The following APEH variants were observed in gnomAD, a reference collection of about 807,000 sequenced individuals.
APEH encodes acylaminoacyl-peptide hydrolase.
In APEH, 75 loss-of-function variants were observed where a neutral mutation model predicts 102.7. That is an observed-to-expected ratio of 0.73 (90% CI 0.61 to 0.89). The LOEUF is 0.89. APEH is among the 40% of genes least tolerant of loss of function. The pLI, the probability that APEH is intolerant of heterozygous loss-of-function variation, is 0.00. For missense variants in APEH, 863 were observed against 941.2 expected, an observed-to-expected ratio of 0.92 and a Z score of 1.09; for synonymous variants, 344 against 362.7, an observed-to-expected ratio of 0.95 and a Z score of 0.59.
intron 10 of APEH, 106 bp downstream of exon 10, chr3:49,677,130 C>T: frequency 4.0e-6 from 6 of 1,499,626 alleles, no homozygotes; most frequent in African/African-American, 2.7e-5. Context: ...CAGTAGGTGC[C>T]CTTCTGTCCT....
At chr3:49,675,379 C>T (rs1487334161) in intron 3 of APEH, 70 bp downstream of exon 3, 19 of 1,583,406 alleles carry the variant, frequency 1.2e-5, no homozygotes, top group Middle Eastern at 1.7e-4. Context: ...TATGAATGCT[C>T]ACCATGTGCC....
intron 10 of APEH, 140 bp downstream of exon 10, chr3:49,677,164 T>A: frequency 1.6e-6 from 2 of 1,283,490 alleles, no homozygotes; most frequent in Non-Finnish European, 2.2e-6. Context: ...GTGTGAGTTC[T>A]GCCTGTCCTC....
rs1443892811 is a variant in APEH, at chr3:49,681,200, G to A, written c.1399G>A (p.Val467Met). 3.1e-6 allele frequency: 5 copies of A among 1,608,542 alleles called. No individual in the cohort carries two copies. The highest frequency in any genetic ancestry group is 4.2e-6 in the Non-Finnish European group (5 of 1,176,926). Residue 467 changes from valine to methionine, a missense_variant, in exon 15 of 22, where the codon GTG (valine) becomes ATG (methionine). By Grantham distance (21) the Val-to-Met change is conservative (BLOSUM62 1). Transcript: ENST00000296456. ...TCCCGACATCCACTGGGGCATCCGG[G>A]TGCTACAGCCACCCCCAGAGCAAGA... The part of the protein sequence containing the change: ...PIPDIHWGIR[V>M]LQPPPEQENV...
intron 13 of APEH, chr3:49,680,294 C>T (rs1233032885): frequency 1.2e-5 from 6 of 483,114 alleles, no homozygotes; most frequent in Non-Finnish European, 1.9e-5. Context: ...GGCAGATGTG[C>T]CTGCATGGTC....
At position 49,676,077 on chromosome 3, in the gene APEH, G is replaced by A. The variant is rs1285799568; in HGVS notation, c.464G>A (p.Trp155Ter). Residue 155 changes from tryptophan (W) to a stop codon, truncating the protein, a stop_gained, in exon 6 of 22, where the codon TGG (tryptophan) becomes TAG (stop). Transcript: ENST00000296456. LOFTEE classifies it high-confidence loss of function. ...CCAGACTGCTTTGGCTGCCTGTCCT[G>A]GTCGCACTCGGAGACACACTTGTTG... ...YEDDCFGCLS[W>*]SHSETHLLYV... 6.2e-7 allele frequency: 1 copy of A among 1,614,090 alleles called. No homozygotes were observed. The highest frequency in any genetic ancestry group is 8.5e-7 in the Non-Finnish European group (1 of 1,180,026).
chr3:49,681,252 A>AG lies in APEH; in HGVS notation c.1438+17dup. ...AATGTGCAGTATGGTGAGCTGGGCC[A>AG]GGGGCAGAGGGATGCCTTCTCCAGG... On this transcript the variant is annotated intron_variant, in intron 15 of 21. Coordinates refer to ENST00000296456, the MANE Select transcript of APEH (RefSeq NM_001640.4). The AG allele has an allele frequency of 6.5e-7, 1 of 1,535,478 alleles. No homozygotes were observed. Among genetic ancestry groups the AG allele is most frequent in the Non-Finnish European group, 8.8e-7 (1 of 1,138,512 alleles).
intron 3 of APEH, 48 bp downstream of exon 3, chr3:49,675,357 A>G (rs2052981589): frequency 1.2e-6 from 2 of 1,606,136 alleles, no homozygotes; most frequent in Non-Finnish European, 8.5e-7. Flanking sequence ...GCCGTCCGCA[A>G]TGCAAGCCTT....
intron 2 of APEH, 135 bp from the exon 3 acceptor site, chr3:49,675,048 C>A: frequency 8.0e-7 from 1 of 1,256,094 alleles, no homozygotes; most frequent in Non-Finnish European, 1.1e-6. Flanking sequence ...CAGCCTGCAG[C>A]CAGGGTGTCA....
Position 49,680,624 on chromosome 3 carries a change from A to C in APEH, c.1294A>C (p.Thr432Pro). ...AQFSTPSLPP[T>P]LKVGFLPSAG... The stretch of plus-strand genomic sequence containing the variant: ...GTTTTCCACACCCAGCCTACCTCCA[A>C]CCCTGGTGAGTGTCGGTGGGTCCCA... Residue 432 changes from threonine to proline, a missense_variant, in exon 14 of 22, where the codon ACC becomes CCC. By Grantham distance (38) the Thr-to-Pro change is conservative (BLOSUM62 -1). Transcript: ENST00000296456. 1 of 1,613,822 alleles carries C rather than the reference A, an allele frequency of 6.2e-7. No individual in the cohort carries two copies. Among genetic ancestry groups the C allele is most frequent in the Non-Finnish European group, 8.5e-7 (1 of 1,179,898 alleles).
intron 13 of APEH, 82 bp from the exon 14 acceptor site, chr3:49,680,459 C>T: frequency 7.7e-7 from 1 of 1,296,968 alleles, no homozygotes; most frequent in African/African-American, 1.5e-5. Context: ...ATAGAGTCTC[C>T]AGCCTGGGAC....
At chr3:49,674,452 C>G (rs918792511) in intron 1 of APEH, 37 bp from the exon 2 acceptor site, 7 of 1,570,742 alleles carry the variant, frequency 4.5e-6, no homozygotes, top group Non-Finnish European at 6.0e-6. Flanking sequence ...TCCCTGCAGC[C>G]CGGGCCGGGC....
chr3:49,680,847 T>C (rs969207371), intron 14 of APEH, among the ~76,000 whole-genome samples: 2 of 152,214 alleles, frequency 1.3e-5, no homozygotes, highest in African/African-American at 4.8e-5. Context: ...CCTGGGGAAG[T>C]GCTCTGTCTT....
chr3:49,673,801 C>CTCACGCTCACCCTCACG (rs2052881855), upstream of APEH, among the ~76,000 whole-genome samples: 1 of 145,580 alleles, frequency 6.9e-6, no homozygotes, highest in African/African-American at 2.6e-5. Context: ...CAACCCTCAC[C>CTCACGCTCACCCTCACG]CTCACGCTCA....
chr3:49,673,380 C>T (rs941956472), upstream of APEH, among the ~76,000 whole-genome samples: 77 of 152,040 alleles, frequency 5.1e-4, no homozygotes, highest in Non-Finnish European at 1.0e-3. Flanking sequence ...ACAGGAAGCT[C>T]CCTGGTCCTG....
chr3:49,675,957 T>C lies in APEH; in HGVS notation c.433T>C (p.Tyr145His). 6.2e-7 allele frequency: 1 copy of C among 1,614,156 alleles called. No homozygotes were observed. The highest frequency in any genetic ancestry group is 1.1e-5 in the South Asian group (1 of 91,084). ...LSALEKHGPVYEDDCFGCLSW... is the reference protein window; with the variant it reads ...LSALEKHGPVHEDDCFGCLSW... ...AGCGCTGGAGAAACATGGGCCTGTT[T>C]ATGAGGATGGTGAGGCATCTGGCTG... Residue 145 changes from tyrosine to histidine, a missense_variant, in exon 5 of 22, where the codon TAT (tyrosine) becomes CAT (histidine). By Grantham distance (83) the Tyr-to-His change is moderately conservative (BLOSUM62 2). Transcript: ENST00000296456.
chr3:49,676,349 G>T, intron 6 of APEH, 29 bp from the exon 7 acceptor site: 1 of 1,613,960 alleles, frequency 6.2e-7, no homozygotes, highest in Non-Finnish European at 8.5e-7. Flanking sequence ...CTATAGACAG[G>T]CTGGGCATTG....
chr3:49,673,969 T>A (rs1026649967), upstream of APEH: 26 of 227,710 alleles, frequency 1.1e-4, no homozygotes, highest in Non-Finnish European at 2.2e-4. Flanking sequence ...GCCATGCCCG[T>A]CCGACCGCGC....
At position 49,674,370 on chromosome 3, in the gene APEH, C is replaced by T. The variant is rs754002653; in HGVS notation, c.-32C>T. ...AGCCTCACTTCCGGGCGCGAGCACG[C>T]CCCGCCTCGCCCCGGCGGCAGAGAG... is the stretch of plus-strand genomic sequence containing the variant. On this transcript the variant is annotated 5_prime_UTR_variant, in exon 1 of 22. Coordinates refer to ENST00000296456, the MANE Select transcript of APEH (RefSeq NM_001640.4). 149 of 1,555,382 alleles carry T rather than the reference C, an allele frequency of 9.6e-5. No individual in the cohort carries two copies. Among genetic ancestry groups the T allele is most frequent in the Non-Finnish European group, 1.2e-4 (143 of 1,157,822 alleles).
At chr3:49,681,065 C>A in intron 14 of APEH, 36 bp from the exon 15 acceptor site, 2 of 1,530,706 alleles carry the variant, frequency 1.3e-6, no homozygotes, top group Admixed American at 4.0e-5. Flanking sequence ...AGGGAGGCAG[C>A]CAGGCCACCT....
Sources: allele counts gnomAD v4.1 joint callset (sites outside exome capture counted in the v4.1 genomes callset), GRCh38; gene constraint gnomAD v4.1.1; transcripts MANE v1.5; gene names NCBI Gene and HGNC (gene_info 2026-07-23, HGNC 2026-07-21).